Variants in TRRAP observed in about 807,000 individuals in gnomAD.
The protein encoded by TRRAP is transformation/transcription domain-associated protein.
TRRAP carries 41 observed loss-of-function variants against 438.8 expected under a neutral mutation model. The observed-to-expected ratio is 0.09, with a 90% CI of 0.07 to 0.12. TRRAP has a LOEUF of 0.12. Among genes scored for constraint, TRRAP ranks in the 10% least tolerant of loss-of-function variants. The pLI, the probability that TRRAP is intolerant of heterozygous loss-of-function variation, is 1.00. For synonymous variants in TRRAP, 1,994 were observed against 1,962.9 expected (o/e 1.02, Z -0.42); for missense variants, 3,122 against 5,055.1 (o/e 0.62, Z 11.60).
intron 28 of TRRAP, among the ~76,000 whole-genome samples, chr7:98,936,191 C>T (rs1790547154): frequency 6.6e-6 from 1 of 152,146 alleles, no homozygotes; most frequent in African/African-American, 2.4e-5. Flanking sequence ...GGTGAATACC[C>T]AATACAAACT....
chr7:98,999,809 C>G, intron 67 of TRRAP: 2 of 518,568 alleles, frequency 3.9e-6, no homozygotes, highest in Non-Finnish European at 6.9e-6. Context: ...TGTGGCAAAT[C>G]CCGATCGATG....
At chr7:98,982,020 G>A in intron 59 of TRRAP, 60 bp downstream of exon 59, 1 of 1,440,940 alleles carries the variant, frequency 6.9e-7, no homozygotes. Context: ...AAGCGCCGGT[G>A]TCCAGGCTTA....
intron 4 of TRRAP, among the ~76,000 whole-genome samples, chr7:98,892,191 G>A (rs942105182): frequency 6.6e-6 from 1 of 152,182 alleles, no homozygotes; most frequent in Non-Finnish European, 1.5e-5. Context: ...TGGCTTAGTC[G>A]ATTTGGTACA....
At chr7:98,882,551 C>T (rs960255400) in intron 3 of TRRAP, among the ~76,000 whole-genome samples, 22 of 151,880 alleles carry the variant, frequency 1.4e-4, no homozygotes, top group Admixed American at 1.1e-3. Context: ...TTAGTAGAGA[C>T]GGGGTTTCAC....
At chr7:98,985,066 G>A (rs772843010) in intron 62 of TRRAP, 22 bp downstream of exon 62, 6 of 1,510,712 alleles carry the variant, frequency 4.0e-6, no homozygotes, top group Middle Eastern at 3.4e-4. Flanking sequence ...ATATTGAAAG[G>A]ATAAGAGAAA....
chr7:98,994,706 G>A lies in TRRAP; in HGVS notation c.10167G>A (p.Val3389=). Residue 3389 remains valine, a synonymous_variant, in exon 67 of 73, where the codon GTG becomes GTA. Transcript: ENST00000456197. The surrounding 1 kb of genome is among the most constrained non-coding windows in gnomAD (Gnocchi z 4.8). ...PHTLNFVKKL[V]STFGVGLENV... is the part of the protein sequence containing the mutation. ...CTCTCAATTTTGTGAAGAAGTTGGT[G>A]AGCACGTTTGGGGTGGGCCTGGAGA... 6.2e-7 allele frequency: 1 copy of A among 1,614,248 alleles called. No homozygotes were observed. Among genetic ancestry groups the A allele is most frequent in the Non-Finnish European group, 8.5e-7 (1 of 1,180,050 alleles).
Position 98,978,274 on chromosome 7 carries a change from T to G in TRRAP, c.8449T>G (p.Ser2817Ala). ...AAAAGAACATGAGAGGAGTAACGCCTCCCCTGCTATTTTCCCTGAATACCA... is the reference window on the plus strand; with the variant it reads ...AAAAGAACATGAGAGGAGTAACGCCGCCCCTGCTATTTTCCCTGAATACCA... ...AKKEHERSNASPAIFPEYQLW... is the reference protein window; with the variant it reads ...AKKEHERSNAAPAIFPEYQLW... Residue 2817 changes from serine to alanine, a missense_variant, in exon 57 of 73, where the codon TCC (serine) becomes GCC (alanine). Physicochemically the swap from Ser to Ala is moderately conservative, Grantham distance 99. Around this residue, in one of 24 missense-constraint regions of TRRAP, gnomAD observed 992 missense variants for 1,281.2 expected, o/e 0.77. Transcript: ENST00000456197. 1 of 1,614,138 alleles carries G rather than the reference T, an allele frequency of 6.2e-7. No homozygotes were observed. Among genetic ancestry groups the G allele is most frequent in the Non-Finnish European group, 8.5e-7 (1 of 1,180,012 alleles).
chr7:98,955,994 G>A (rs990573453), intron 41 of TRRAP, 152 bp from the exon 42 acceptor site: 3 of 979,462 alleles, frequency 3.1e-6, no homozygotes, highest in Non-Finnish European at 4.4e-6. Flanking sequence ...GCTCAGGTTA[G>A]GATTCAGAAT....
Position 98,881,084 on chromosome 7 carries a change from T to C in TRRAP, c.-61-6T>C. On this transcript the variant is annotated splice_region_variant and splice_polypyrimidine_tract_variant and intron_variant, in intron 1 of 72. Transcript: ENST00000456197. Reference sequence around the variant, plus strand: ...AAATTGACTAACTCTATGCTTCTTTTCATAGGCTGGTTGAACTCATGGACC... The same window carrying C: ...AAATTGACTAACTCTATGCTTCTTTCCATAGGCTGGTTGAACTCATGGACC... The C allele has an allele frequency of 7.2e-7, 1 of 1,386,932 alleles. No individual in the cohort carries two copies. Among genetic ancestry groups the C allele is most frequent in the South Asian group, 1.4e-5 (1 of 73,900 alleles). 85.9% of individuals were successfully genotyped at this position (1,386,932 alleles called of 1,614,324 possible). A position where few individuals can be genotyped will look rare whatever the true frequency, so the allele number is the denominator to read the frequency against.
intron 6 of TRRAP, among the ~76,000 whole-genome samples, chr7:98,894,949 T>C (rs1796136560): frequency 1.3e-5 from 2 of 152,140 alleles, no homozygotes. Context: ...TCTTTCCTTT[T>C]TCTCACGTTA....
chr7:99,006,372 A>G (rs1028700332), intron 69 of TRRAP, among the ~76,000 whole-genome samples: 1 of 152,232 alleles, frequency 6.6e-6, no homozygotes. Context: ...AGATTTTTTT[A>G]AAAGCCTAAA....
rs368717749 is a variant in TRRAP, at chr7:99,008,581, G to A, written c.10938+20G>A. On this transcript the variant is annotated intron_variant, in intron 70 of 72. Transcript: ENST00000456197. The stretch of plus-strand genomic sequence containing the variant: ...CACCAGGTAGCAGTGGGGCCGGGCC[G>A]GGGGCCGAGCTGCCGCCTGCAGCCC... 208 of 1,609,964 alleles carry A rather than the reference G, an allele frequency of 1.3e-4. No homozygotes were observed. The highest frequency in any genetic ancestry group is 4.7e-4 in the East Asian group (21 of 44,864).
rs1554419800 is a variant in TRRAP, at chr7:98,956,400, C to T, written c.6098C>T (p.Pro2033Leu). 5.0e-6 allele frequency: 8 copies of T among 1,613,652 alleles called. No homozygotes were observed. The highest frequency in any genetic ancestry group is 2.2e-5 in the East Asian group (1 of 44,864). The change falls in exon 43 of 73, where the codon CCG becomes CTG. Residue 2033 changes from proline (P) to leucine (L), a missense_variant and splice_region_variant. Pro to Leu is a moderately conservative substitution (Grantham distance 98, BLOSUM62 -3). Transcript: ENST00000456197. The surrounding 1 kb of genome is among the most constrained non-coding windows in gnomAD (Gnocchi z 4.5). ...ACCAAGCGCCTGTGTGTTTTTAAGCCGGATTCAGATATGGACCCAAATTCC... is the reference window on the plus strand; with the variant it reads ...ACCAAGCGCCTGTGTGTTTTTAAGCTGGATTCAGATATGGACCCAAATTCC... ...WELQRIKDQQ[P>L]DSDMDPNSSG... is the part of the protein sequence containing the mutation.
chr7:98,895,824 T>C lies in TRRAP; in HGVS notation c.507+4T>C. 1 of 1,600,304 alleles carries C rather than the reference T, an allele frequency of 6.2e-7. No homozygotes were observed. Among genetic ancestry groups the C allele is most frequent in the South Asian group, 1.1e-5 (1 of 87,550 alleles). ...CAAGGAGCTTCCAAAAGTAGTGGTATGTTTTTACTTTGGTTTTAATTAGTT... is the reference window on the plus strand; with the variant it reads ...CAAGGAGCTTCCAAAAGTAGTGGTACGTTTTTACTTTGGTTTTAATTAGTT... On this transcript the variant is annotated splice_donor_region_variant and intron_variant, in intron 7 of 72. Coordinates refer to ENST00000456197, the MANE Select transcript of TRRAP (RefSeq NM_001375524.1).
intron 47 of TRRAP, 50 bp downstream of exon 47, chr7:98,962,477 T>G: frequency 6.2e-7 from 1 of 1,611,776 alleles, no homozygotes; most frequent in Non-Finnish European, 8.5e-7. Flanking sequence ...TTGGCCTCTT[T>G]CCCCGCTCAC....
chr7:99,010,333 C>CT (rs1270185153), intron 70 of TRRAP, among the ~76,000 whole-genome samples: 3 of 152,322 alleles, frequency 2.0e-5, no homozygotes, highest in Admixed American at 2.0e-4. Flanking sequence ...TTTGGAACTC[C>CT]TTTGCAGTCT....
intron 50 of TRRAP, 100 bp from the exon 51 acceptor site, chr7:98,967,385 G>A: frequency 7.1e-7 from 1 of 1,403,974 alleles, no homozygotes; most frequent in Non-Finnish European, 9.8e-7. Context: ...TTTTCATAGT[G>A]GCATTTCAGC....
intron 23 of TRRAP, among the ~76,000 whole-genome samples, chr7:98,929,308 G>A (rs1028274541): frequency 2.3e-4 from 35 of 152,258 alleles, no homozygotes; most frequent in African/African-American, 8.2e-4. Context: ...GGCTGGTCTT[G>A]AACTCCTGGC....
At chr7:98,894,009 G>A in intron 6 of TRRAP, 128 bp downstream of exon 6, 1 of 793,758 alleles carries the variant, frequency 1.3e-6, no homozygotes, top group Non-Finnish European at 2.1e-6. Flanking sequence ...GCCTAAGTTT[G>A]GGGCAATTCT....
Sources: gnomAD v4.1 joint callset for allele counts (sites outside exome capture counted in the v4.1 genomes callset) on GRCh38, gnomAD v4.1.1 for gene constraint, gnomAD v4.1.1 regional missense constraint, Gnocchi (gnomAD v3.1) non-coding constraint, MANE v1.5 for transcripts, NCBI Gene and HGNC (gene_info 2026-07-23, HGNC 2026-07-21) for gene names.